TBC1D2B: variants seen among roughly 807,000 people sequenced by gnomAD.
TBC1D2B encodes TBC1 domain family, member 2B.
In TBC1D2B, 64 loss-of-function variants were observed where a neutral mutation model predicts 100.8. The observed-to-expected ratio is 0.64, with a 90% confidence interval of 0.52 to 0.78. The LOEUF (loss-of-function observed/expected upper bound fraction) is 0.78. Among genes scored for constraint, TBC1D2B ranks in the 30% least tolerant of loss-of-function variants. The probability of loss-of-function intolerance (pLI) is 0.00; values close to 1 mark genes in which losing one functional copy is unlikely to be tolerated. For missense variants in TBC1D2B, 1,052 were observed against 1,218.4 expected, an observed-to-expected ratio of 0.86 and a Z score of 2.03; for synonymous variants, 480 against 479.7, an observed-to-expected ratio of 1.00 and a Z score of -0.01.
chr15:78,026,968 C>T (rs1325110019), intron 4 of TBC1D2B, among the ~76,000 whole-genome samples: 2 of 151,278 alleles, frequency 1.3e-5, no homozygotes, highest in Non-Finnish European at 2.9e-5. Flanking sequence ...TACCTGTGGT[C>T]CCAGCTATTG....
At chr15:78,065,344 A>G (rs1430592521) in intron 1 of TBC1D2B, among the ~76,000 whole-genome samples, 1 of 152,246 alleles carries the variant, frequency 6.6e-6, no homozygotes, top group Non-Finnish European at 1.5e-5. Flanking sequence ...GTGGGCAATG[A>G]AAACAACTGG....
At chr15:77,999,877 G>C (rs2071865320) in intron 12 of TBC1D2B, among the ~76,000 whole-genome samples, 2 of 152,206 alleles carry the variant, frequency 1.3e-5, no homozygotes, top group Non-Finnish European at 2.9e-5. Flanking sequence ...CTAAATTTGG[G>C]AGACGATGCT....
chr15:78,062,489 T>C (rs1393803459), intron 1 of TBC1D2B, among the ~76,000 whole-genome samples: 1 of 152,212 alleles, frequency 6.6e-6, no homozygotes, highest in African/African-American at 2.4e-5. Context: ...TTTAGACTTA[T>C]ATTTCAAATA....
At chr15:78,026,699 T>C (rs1307933745) in intron 4 of TBC1D2B, among the ~76,000 whole-genome samples, 1 of 152,090 alleles carries the variant, frequency 6.6e-6, no homozygotes, top group Non-Finnish European at 1.5e-5. Context: ...GTGGATCACC[T>C]GAGGTCGGGA....
In TBC1D2B at chr15:77,997,341, T is replaced by C. The variant is rs1276405020; in HGVS notation, c.*819A>G. ...ACTGTTTACTTGGAATCCCATCCCA[T>C]CGTACTTGGTGAATGATTTCCACAA... On this transcript the variant is annotated 3_prime_UTR_variant, in exon 13 of 13. Transcript: ENST00000300584. 5 of 152,268 alleles carry C rather than the reference T, an allele frequency of 3.3e-5. No individual in the cohort carries two copies. Among genetic ancestry groups the C allele is most frequent in the African/African-American group, 1.2e-4 (5 of 41,466 alleles). The allele number at this position is 152,268 out of a possible 1,614,324, so 9.4% of individuals were successfully genotyped here. A position where few individuals can be genotyped will look rare whatever the true frequency, so the allele number is the denominator to read the frequency against.
intron 3 of TBC1D2B, among the ~76,000 whole-genome samples, chr15:78,042,443 C>G (rs950582315): frequency 7.5e-6 from 1 of 132,680 alleles, no homozygotes; most frequent in Non-Finnish European, 1.8e-5. Flanking sequence ...CACTTTACCT[C>G]TCTAAGCCTC....
At chr15:77,998,474 T>C (rs1457941529) in intron 12 of TBC1D2B, 119 bp from the exon 13 acceptor site, 1 of 896,540 alleles carries the variant, frequency 1.1e-6, no homozygotes, top group Admixed American at 3.0e-5. Flanking sequence ...TGGCCAGGCT[T>C]GGGGCCTGAT....
intron 1 of TBC1D2B, among the ~76,000 whole-genome samples, chr15:78,073,974 A>T (rs1363923534): frequency 1.3e-5 from 2 of 151,618 alleles, no homozygotes; most frequent in African/African-American, 4.8e-5. Context: ...GTTTCAAAAA[A>T]AAAAAGGGAG....
chr15:78,029,337 C>T (rs779162162), intron 4 of TBC1D2B, among the ~76,000 whole-genome samples: 4 of 152,104 alleles, frequency 2.6e-5, no homozygotes, highest in Non-Finnish European at 5.9e-5. Context: ...GGATTACAGG[C>T]GTAAGCCACC....
chr15:78,054,285 TGA>T (rs2073375256), intron 1 of TBC1D2B, 98 bp from the exon 2 acceptor site: 8 of 1,259,770 alleles, frequency 6.4e-6, no homozygotes, highest in Non-Finnish European at 8.4e-6. Context: ...GCTTGCCATG[TGA>T]GAGTTAAGAT....
intron 1 of TBC1D2B, among the ~76,000 whole-genome samples, chr15:78,065,605 A>C (rs561504042): frequency 2.0e-5 from 3 of 152,314 alleles, no homozygotes; most frequent in Non-Finnish European, 4.4e-5. Context: ...AATGTGAGAG[A>C]GCCAAGGATG....
At position 78,077,465 on chromosome 15, in the gene TBC1D2B, C is replaced by T; in HGVS notation, c.188G>A (p.Arg63His). Residue 63 changes from arginine to histidine, a missense_variant, in exon 1 of 13, where the codon CGC becomes CAC. By Grantham distance (29) the Arg-to-His change is conservative. This residue lies in a region of TBC1D2B where 627 missense variants were observed against 646.1 expected (regional missense o/e 0.97). Transcript: ENST00000300584. Reference sequence around the variant, plus strand: ...CTTGAAATAGTAAAGGTAGCAGCGGCGCGCGTCGAACACGAACCAGCGGCT... The same window carrying T: ...CTTGAAATAGTAAAGGTAGCAGCGGTGCGCGTCGAACACGAACCAGCGGCT... The part of the protein sequence containing the change: ...YRSRWFVFDA[R>H]RCYLYYFKSP... 14 of 1,537,892 alleles carry T rather than the reference C, an allele frequency of 9.1e-6. No individual in the cohort carries two copies. The highest frequency in any genetic ancestry group is 1.2e-5 in the Non-Finnish European group (14 of 1,142,072).
At chr15:78,038,504 AC>A (rs1158880673) in intron 3 of TBC1D2B, among the ~76,000 whole-genome samples, 1 of 152,150 alleles carries the variant, frequency 6.6e-6, no homozygotes, top group Non-Finnish European at 1.5e-5. Context: ...CAGGGGTCAG[AC>A]CCCACGGGAC....
intron 1 of TBC1D2B, among the ~76,000 whole-genome samples, chr15:78,063,880 AC>A (rs1417070860): frequency 6.6e-6 from 1 of 151,940 alleles, no homozygotes; most frequent in East Asian, 1.9e-4. Context: ...AGATTCATCT[AC>A]CCCTGGGCCT....
chr15:78,071,022 A>G (rs1191387332), intron 1 of TBC1D2B, among the ~76,000 whole-genome samples: 1 of 152,224 alleles, frequency 6.6e-6, no homozygotes, highest in Non-Finnish European at 1.5e-5. Flanking sequence ...GGGTCTCACC[A>G]TGCTGGTCAG....
intron 3 of TBC1D2B, among the ~76,000 whole-genome samples, chr15:78,043,686 A>C (rs1473201899): frequency 6.6e-6 from 1 of 152,200 alleles, no homozygotes; most frequent in East Asian, 1.9e-4. Flanking sequence ...AACGGAAAGA[A>C]GCCAGACACA....
At chr15:78,032,745 A>G (rs978499758) in intron 3 of TBC1D2B, among the ~76,000 whole-genome samples, 1 of 152,206 alleles carries the variant, frequency 6.6e-6, no homozygotes, top group Non-Finnish European at 1.5e-5. Flanking sequence ...AAATGGGAAC[A>G]AGAGCAGAGT....
chr15:78,026,901 C>CA (rs5813893), intron 4 of TBC1D2B, among the ~76,000 whole-genome samples: 15,578 of 110,338 alleles, frequency 0.14, 1,078 homozygotes, highest in East Asian at 0.27. Flanking sequence ...ATCTCCATCT[C>CA]AAAAAAAAAA....
chr15:78,016,730 G>A lies in TBC1D2B; in HGVS notation c.1591C>T (p.Leu531=). 3.2e-6 allele frequency: 5 copies of A among 1,550,618 alleles called. No individual in the cohort carries two copies. The highest frequency in any genetic ancestry group is 4.3e-6 in the Non-Finnish European group (5 of 1,150,728). ...TCTATCTGGCAGAGCTTGGCTTCCA[G>A]GCTAGAATACTGCAGAGAATGTGGT... ...ERDLMAKYSS[L]EAKLCQIESK... The change falls in exon 8 of 13, where the codon CTG becomes TTG. Residue 531 remains leucine (L), a synonymous_variant. Transcript: ENST00000300584.
Sources: gnomAD v4.1 joint callset for allele counts (sites outside exome capture counted in the v4.1 genomes callset) on GRCh38, gnomAD v4.1.1 for gene constraint, gnomAD v4.1.1 regional missense constraint, MANE v1.5 for transcripts, NCBI Gene and HGNC (gene_info 2026-07-23, HGNC 2026-07-21) for gene names.